CNTNAP5: variants seen among roughly 807,000 people sequenced by gnomAD.
CNTNAP5 encodes contactin-associated protein-like 5.
CNTNAP5 carries 72 observed loss-of-function variants against 150.2 expected under a neutral mutation model. The observed-to-expected ratio is 0.48, with a 90% confidence interval of 0.40 to 0.58. CNTNAP5 has a LOEUF of 0.58. Ranked by LOEUF, CNTNAP5 falls within the 20% of genes least tolerant of loss-of-function variation. CNTNAP5 has a pLI of 0.00. For missense variants in CNTNAP5, 1,636 were observed against 1,626.2 expected, an observed-to-expected ratio of 1.01 and a Z score of -0.10; for synonymous variants, 672 against 619.8, an observed-to-expected ratio of 1.08 and a Z score of -1.25.
intron 19 of CNTNAP5, among the ~76,000 whole-genome samples, chr2:124,806,237 A>G (rs1682077943): frequency 6.6e-6 from 1 of 152,084 alleles, no homozygotes; most frequent in African/African-American, 2.4e-5. Flanking sequence ...TGTATTTTGA[A>G]TCTAGTAGGA....
At chr2:124,791,019 A>C (rs895087025) in intron 18 of CNTNAP5, among the ~76,000 whole-genome samples, 3 of 152,258 alleles carry the variant, frequency 2.0e-5, no homozygotes, top group Non-Finnish European at 2.9e-5. Context: ...GCAGCATTTA[A>C]ATTATTAAAA....
At chr2:124,185,036 C>T (rs1352147363) in intron 1 of CNTNAP5, among the ~76,000 whole-genome samples, 1 of 152,194 alleles carries the variant, frequency 6.6e-6, no homozygotes, top group Admixed American at 6.5e-5. Context: ...TACTCAGTAT[C>T]TTCTATCTAC....
chr2:124,536,086 C>T (rs1252606095), intron 10 of CNTNAP5, among the ~76,000 whole-genome samples: 8 of 152,150 alleles, frequency 5.3e-5, no homozygotes, highest in Admixed American at 5.2e-4. Context: ...GGGCAGTGCC[C>T]ACACAATCTG....
chr2:124,849,416 A>G (rs1683111201), intron 19 of CNTNAP5, among the ~76,000 whole-genome samples: 1 of 152,156 alleles, frequency 6.6e-6, no homozygotes, highest in African/African-American at 2.4e-5. Context: ...CATGGATAAC[A>G]TAAGCTTTTG....
chr2:124,480,526 T>C (rs1356886922), intron 7 of CNTNAP5, among the ~76,000 whole-genome samples: 1 of 152,102 alleles, frequency 6.6e-6, no homozygotes, highest in Non-Finnish European at 1.5e-5. Context: ...TGCACACATA[T>C]AACATACACA....
chr2:124,477,248 G>T (rs915476916), intron 7 of CNTNAP5, among the ~76,000 whole-genome samples: 1 of 152,036 alleles, frequency 6.6e-6, no homozygotes, highest in African/African-American at 2.4e-5. Context: ...TCTTATTGTA[G>T]AATTATTTGA....
At chr2:124,670,029 C>G (rs76496334) in intron 13 of CNTNAP5, among the ~76,000 whole-genome samples, 1 of 152,068 alleles carries the variant, frequency 6.6e-6, no homozygotes, top group Non-Finnish European at 1.5e-5. Context: ...CTACTCACAG[C>G]GAGACCAGGG....
intron 1 of CNTNAP5, among the ~76,000 whole-genome samples, chr2:124,138,931 A>T (rs1022440262): frequency 2.6e-5 from 4 of 151,950 alleles, no homozygotes; most frequent in African/African-American, 7.3e-5. Flanking sequence ...TTGCATAATA[A>T]ACGTTTCCTC....
chr2:124,440,214 G>A (rs1277455940), intron 5 of CNTNAP5, among the ~76,000 whole-genome samples: 1 of 152,174 alleles, frequency 6.6e-6, no homozygotes, highest in African/African-American at 2.4e-5. Flanking sequence ...GAATATCGGT[G>A]TTGATAGCCT....
intron 2 of CNTNAP5, among the ~76,000 whole-genome samples, chr2:124,233,905 CA>C (rs572160766): frequency 6.6e-6 from 1 of 151,834 alleles, no homozygotes; most frequent in African/African-American, 2.4e-5. Flanking sequence ...CTTTTAAACT[CA>C]AAAACACCAG....
chr2:124,583,463 G>A (rs149412907), intron 11 of CNTNAP5, among the ~76,000 whole-genome samples: 15 of 152,328 alleles, frequency 9.8e-5, no homozygotes, highest in African/African-American at 3.6e-4. Context: ...GTAACAGTGG[G>A]AAGGGCAGGG....
At position 124,869,761 on chromosome 2, in the gene CNTNAP5, A is replaced by G. The variant is rs370473311; in HGVS notation, c.3435A>G (p.Thr1145=). ...GGTCACTCACCTTGGGCAAAGTCAC[A>G]GGTATGTTGTTCTAGTTCATACCTT... is the stretch of plus-strand genomic sequence containing the variant. The part of the protein sequence containing the change: ...VIRSLTLGKV[T]ENLGLDSEVA... The change falls in exon 21 of 24, where the codon ACA becomes ACG. Residue 1145 remains threonine (T), a splice_region_variant and synonymous_variant. Coordinates refer to ENST00000682447, the MANE Select transcript of CNTNAP5 (RefSeq NM_001367498.1). The G allele has an allele frequency of 3.0e-5, 47 of 1,589,028 alleles. No homozygotes were observed. Among genetic ancestry groups the G allele is most frequent in the Non-Finnish European group, 4.0e-5 (46 of 1,158,020 alleles).
At chr2:124,347,200 C>T (rs550597100) in intron 3 of CNTNAP5, among the ~76,000 whole-genome samples, 1 of 152,262 alleles carries the variant, frequency 6.6e-6, no homozygotes, top group African/African-American at 2.4e-5. Flanking sequence ...AATAGAGACA[C>T]CAAAGCTTGA....
intron 3 of CNTNAP5, among the ~76,000 whole-genome samples, chr2:124,277,731 C>T (rs1687918268): frequency 6.6e-6 from 1 of 152,130 alleles, no homozygotes; most frequent in Non-Finnish European, 1.5e-5. Context: ...CTAATGGAGG[C>T]AGGGCATGGA....
chr2:124,886,664 G>C (rs1678087240), intron 21 of CNTNAP5, among the ~76,000 whole-genome samples: 1 of 152,018 alleles, frequency 6.6e-6, no homozygotes. Context: ...AAAAGAAATT[G>C]AGCTTGATGA....
intron 1 of CNTNAP5, among the ~76,000 whole-genome samples, chr2:124,061,880 T>C (rs1249868737): frequency 1.3e-5 from 2 of 152,146 alleles, no homozygotes; most frequent in East Asian, 3.9e-4. Flanking sequence ...AATGCAATAA[T>C]TCAAAGCCAT....
intron 1 of CNTNAP5, among the ~76,000 whole-genome samples, chr2:124,169,121 C>T (rs1231767027): frequency 6.6e-6 from 1 of 151,904 alleles, no homozygotes; most frequent in African/African-American, 2.4e-5. Flanking sequence ...AACCTGTCTT[C>T]TTTCCCACTG....
intron 1 of CNTNAP5, among the ~76,000 whole-genome samples, chr2:124,081,168 GT>G (rs956506375): frequency 1.1e-4 from 17 of 149,028 alleles, no homozygotes; most frequent in South Asian, 2.1e-4. Context: ...AGATGTACTG[GT>G]TTTTTTTTTC....
chr2:124,195,498 C>T (rs1685560824), intron 1 of CNTNAP5, among the ~76,000 whole-genome samples: 2 of 152,172 alleles, frequency 1.3e-5, no homozygotes, highest in African/African-American at 4.8e-5. Flanking sequence ...AATGAGTGGA[C>T]ATGGCTGTGA....
Sources: gnomAD v4.1 joint callset for allele counts (sites outside exome capture counted in the v4.1 genomes callset) on GRCh38, gnomAD v4.1.1 for gene constraint, MANE v1.5 for transcripts, NCBI Gene and HGNC (gene_info 2026-07-23, HGNC 2026-07-21) for gene names.